Variants in ZNF468 observed in about 807,000 individuals in gnomAD.
ZNF468 encodes the protein zinc finger protein ZNF468.
Under a neutral mutation model 7.2 loss-of-function variants are expected in ZNF468, and 8 were observed. The observed-to-expected ratio is 1.11, with a 90% CI of 0.65 to 2.01. ZNF468 has a LOEUF of 2.01. Ranked by LOEUF, ZNF468 falls within the 30% of genes most tolerant of loss-of-function variation. The pLI, the probability that ZNF468 is intolerant of heterozygous loss-of-function variation, is 0.00. For missense variants in ZNF468, 608 were observed against 626.5 expected, an observed-to-expected ratio of 0.97 and a Z score of 0.31; for synonymous variants, 218 against 214.4, an observed-to-expected ratio of 1.02 and a Z score of -0.15.
chr19:52,839,496 CAATT>C lies in ZNF468; in HGVS notation c.*1225_*1228del. The stretch of plus-strand genomic sequence containing the variant: ...GTCAAGGCTGATTTGACTCTAATGT[CAATT>C]AATGCTTGATGGTTTGCTATACTCA... On this transcript the variant is annotated 3_prime_UTR_variant, in exon 4 of 4. Coordinates refer to ENST00000595646, the MANE Select transcript of ZNF468 (RefSeq NM_001008801.2). 2.2e-6 allele frequency: 1 copy of C among 445,042 alleles called. No individual in the cohort carries two copies. Among genetic ancestry groups the C allele is most frequent in the South Asian group, 1.9e-5 (1 of 54,038 alleles). 27.6% of individuals were successfully genotyped at this position (445,042 alleles called of 1,614,324 possible). A position where few individuals can be genotyped will look rare whatever the true frequency, so the allele number is the denominator to read the frequency against.
intron 3 of ZNF468, chr19:52,845,271 T>C (rs963822338): frequency 6.6e-6 from 1 of 152,032 alleles, no homozygotes; most frequent in Non-Finnish European, 1.5e-5. Context: ...ACCACTGTAC[T>C]TTAGCCGGGA....
Position 52,841,839 on chromosome 19 carries a change from T to C in ZNF468, c.455A>G (p.His152Arg). Residue 152 changes from histidine to arginine, a missense_variant, in exon 4 of 4, where the codon CAC becomes CGC. His to Arg is a conservative substitution (Grantham distance 29). Coordinates refer to ENST00000595646, the MANE Select transcript of ZNF468 (RefSeq NM_001008801.2). ...SSFHLHLPEP[H>R]IFQSEGKIGN... is the part of the protein sequence containing the mutation. ...AATTTTCCCTTCAGACTGAAATATG[T>C]GCGGTTCAGGCAGATGCAAATGAAA... is the stretch of plus-strand genomic sequence containing the variant. 3 of 1,614,136 alleles carry C rather than the reference T, an allele frequency of 1.9e-6. No individual in the cohort carries two copies. Among genetic ancestry groups the C allele is most frequent in the Non-Finnish European group, 2.5e-6 (3 of 1,180,016 alleles).
intron 2 of ZNF468, chr19:52,849,421 ATT>A (rs2063366542): frequency 3.9e-6 from 4 of 1,015,034 alleles, no homozygotes; most frequent in Non-Finnish European, 5.4e-6. Context: ...CTCAGTATAA[ATT>A]TCTTATGTTT....
chr19:52,850,788 A>G lies in ZNF468; in HGVS notation c.16-1575T>C, dbSNP rs1039859679. On this transcript the variant is annotated intron_variant, in intron 2 of 3. Coordinates refer to ENST00000595646, the MANE Select transcript of ZNF468 (RefSeq NM_001008801.2). The stretch of plus-strand genomic sequence containing the variant: ...GTGGCGGGCGCCTGTAGTCCCAGCT[A>G]CTCGGGAGGCTGAGGCAGGAGAATG... Among the ~76,000 whole-genome samples, 435 of 151,690 alleles carry G rather than the reference A, an allele frequency of 2.9e-3. 5 individuals are homozygous for G. Among genetic ancestry groups the G allele is most frequent in the African/African-American group, 8.7e-3 (359 of 41,340 alleles).
chr19:52,840,089 T>A lies in ZNF468; in HGVS notation c.*636A>T. ...GTATGGGGTGCCACGTGTGAATCAT[T>A]CCCGAAAGCCTTGTCACAAACCTTA... is the stretch of plus-strand genomic sequence containing the variant. On this transcript the variant is annotated 3_prime_UTR_variant, in exon 4 of 4. Coordinates refer to ENST00000595646, the MANE Select transcript of ZNF468 (RefSeq NM_001008801.2). 2.3e-6 allele frequency: 2 copies of A among 852,174 alleles called. No individual in the cohort carries two copies. The highest frequency in any genetic ancestry group is 1.7e-6 in the Non-Finnish European group (1 of 590,002). 52.8% of individuals were successfully genotyped at this position (852,174 alleles called of 1,614,324 possible).
chr19:52,846,627 A>G (rs2063343727), intron 3 of ZNF468: 1 of 155,736 alleles, frequency 6.4e-6, no homozygotes, highest in Non-Finnish European at 1.4e-5. Flanking sequence ...AGGAATGGAC[A>G]CTAATGTTGT....
In ZNF468 at chr19:52,849,196, C is replaced by A; in HGVS notation, c.33G>T (p.Arg11Ser). MALPQGLLTF[R>S]DVAIEFSQEE... ...CCTGAGAGAATTCTATGGCCACGTC[C>A]CTGAATGTCAATAGACCCTGAAATG... is the stretch of plus-strand genomic sequence containing the variant. Residue 11 changes from arginine (R) to serine (S), a missense_variant, in exon 3 of 4, where the codon AGG becomes AGT. Arg to Ser is a moderately radical substitution (Grantham distance 110). Coordinates refer to ENST00000595646, the MANE Select transcript of ZNF468 (RefSeq NM_001008801.2). 6.2e-7 allele frequency: 1 copy of A among 1,613,750 alleles called. No homozygotes were observed. The highest frequency in any genetic ancestry group is 1.1e-5 in the South Asian group (1 of 91,060).
chr19:52,854,672 T>C (rs1216503458), intron 1 of ZNF468, among the ~76,000 whole-genome samples: 2 of 152,170 alleles, frequency 1.3e-5, no homozygotes, highest in Non-Finnish European at 2.9e-5. Flanking sequence ...AAGCATCATT[T>C]GAGCTCAAAA....
At position 52,850,674 on chromosome 19, in the gene ZNF468, C is replaced by T. The variant is rs190696326; in HGVS notation, c.16-1461G>A. On this transcript the variant is annotated intron_variant, in intron 2 of 3. Transcript: ENST00000595646. Reference sequence around the variant, plus strand: ...CAGCACTTTGGGAGGCCGAGGTGGGCGGATCACGAGGTCAGGAGATCGAGA... The same window carrying T: ...CAGCACTTTGGGAGGCCGAGGTGGGTGGATCACGAGGTCAGGAGATCGAGA... Among the ~76,000 whole-genome samples, 352 of 151,598 alleles carry T rather than the reference C, an allele frequency of 2.3e-3. 1 individual carries two copies. The highest frequency in any genetic ancestry group is 6.9e-3 in the African/African-American group (285 of 41,284).
chr19:52,842,848 G>A (rs559667361), intron 3 of ZNF468, among the ~76,000 whole-genome samples: 5 of 136,926 alleles, frequency 3.7e-5, no homozygotes, highest in African/African-American at 1.2e-4. Context: ...AAAAGACATG[G>A]CATGGTGGCT....
rs886721227 is a variant in ZNF468, at chr19:52,839,513, T to A, written c.*1212A>T. On this transcript the variant is annotated 3_prime_UTR_variant, in exon 4 of 4. Coordinates refer to ENST00000595646, the MANE Select transcript of ZNF468 (RefSeq NM_001008801.2). ...TCTAATGTCAATTAATGCTTGATGG[T>A]TTGCTATACTCACTGCATTTGAAAC... 2.2e-6 allele frequency: 1 copy of A among 454,466 alleles called. No homozygotes were observed. Among genetic ancestry groups the A allele is most frequent in the African/African-American group, 2.0e-5 (1 of 49,090 alleles). 28.2% of individuals were successfully genotyped at this position (454,466 alleles called of 1,614,324 possible).
chr19:52,854,181 C>A lies in ZNF468; in HGVS notation c.15+77G>T. 6.8e-6 allele frequency: 11 copies of A among 1,610,556 alleles called. 1 individual carries two copies. The highest frequency in any genetic ancestry group is 9.3e-6 in the Non-Finnish European group (11 of 1,177,728). ...AACATGTCAGGCAGGTCATTCAGAC[C>A]CAGACATTCCCAACTCCAAGGCCCA... On this transcript the variant is annotated intron_variant, in intron 2 of 3. Coordinates refer to ENST00000595646, the MANE Select transcript of ZNF468 (RefSeq NM_001008801.2).
At chr19:52,850,701 C>A (rs374611496) in intron 2 of ZNF468, among the ~76,000 whole-genome samples, 15 of 151,862 alleles carry the variant, frequency 9.9e-5, no homozygotes, top group South Asian at 2.1e-4. Flanking sequence ...AGATCGAGAC[C>A]ATCCTGGCTA....
chr19:52,841,856 C>G lies in ZNF468; in HGVS notation c.438G>C (p.Leu146Phe), dbSNP rs755917273. The change falls in exon 4 of 4, where the codon TTG becomes TTC. Residue 146 changes from leucine to phenylalanine, a missense_variant. Transcript: ENST00000595646. ...GAAATATGTGCGGTTCAGGCAGATG[C>G]AAATGAAAGCTTGATCCAAGCTGAT... ...IKDQLGSSFH[L>F]HLPEPHIFQS... 1 of 1,614,096 alleles carries G rather than the reference C, an allele frequency of 6.2e-7. No individual in the cohort carries two copies.
In ZNF468 at chr19:52,839,511, G is replaced by A; in HGVS notation, c.*1214C>T. ...ACTCTAATGTCAATTAATGCTTGAT[G>A]GTTTGCTATACTCACTGCATTTGAA... is the stretch of plus-strand genomic sequence containing the variant. On this transcript the variant is annotated 3_prime_UTR_variant, in exon 4 of 4. Transcript: ENST00000595646. 1 of 455,300 alleles carries A rather than the reference G, an allele frequency of 2.2e-6. No individual in the cohort carries two copies. Among genetic ancestry groups the A allele is most frequent in the Non-Finnish European group, 4.4e-6 (1 of 226,918 alleles). The allele number at this position is 455,300 out of a possible 1,614,324, so 28.2% of individuals were successfully genotyped here. A position where few individuals can be genotyped will look rare whatever the true frequency, so the allele number is the denominator to read the frequency against.
intron 3 of ZNF468, among the ~76,000 whole-genome samples, chr19:52,843,711 A>C (rs2063322852): frequency 6.6e-6 from 1 of 152,228 alleles, no homozygotes; most frequent in Non-Finnish European, 1.5e-5. Context: ...CCCTCTTAAG[A>C]AAAAAGCCAA....
chr19:52,849,034 A>T, intron 3 of ZNF468, 53 bp downstream of exon 3: 1 of 1,602,256 alleles, frequency 6.2e-7, no homozygotes, highest in South Asian at 1.1e-5. Flanking sequence ...AGACAATAAG[A>T]GAAAATGCAA....
chr19:52,848,711 C>T (rs759074029), intron 3 of ZNF468, among the ~76,000 whole-genome samples: 4 of 152,018 alleles, frequency 2.6e-5, no homozygotes, highest in Admixed American at 1.3e-4. Context: ...CCACCACACC[C>T]AGCTAATTTT....
chr19:52,849,997 T>C (rs766639283), intron 2 of ZNF468, among the ~76,000 whole-genome samples: 2 of 151,930 alleles, frequency 1.3e-5, no homozygotes, highest in Non-Finnish European at 2.9e-5. Flanking sequence ...CTACAGAGAC[T>C]CACAAAACAC....
Sources: allele counts gnomAD v4.1 joint callset (sites outside exome capture counted in the v4.1 genomes callset), GRCh38; gene constraint gnomAD v4.1.1; transcripts MANE v1.5; gene names NCBI Gene and HGNC (gene_info 2026-07-23, HGNC 2026-07-21).